CNKSR2: variants seen among roughly 807,000 people sequenced by gnomAD.
CNKSR2 encodes the protein connector enhancer of kinase suppressor of Ras 2.
Under a neutral mutation model 84.4 loss-of-function variants are expected in CNKSR2, and 14 were observed. The observed-to-expected ratio is 0.17, with a 90% CI of 0.11 to 0.26. CNKSR2 has a LOEUF of 0.26. CNKSR2 is among the 10% of genes least tolerant of loss of function. The probability of loss-of-function intolerance (pLI) is 1.00; values close to 1 mark genes in which losing one functional copy is unlikely to be tolerated. For synonymous variants in CNKSR2, 275 were observed against 277.9 expected (o/e 0.99, Z 0.10); for missense variants, 485 against 771.2 (o/e 0.63, Z 4.40).
chrX:21,518,048 T>C (rs778391789), intron 9 of CNKSR2, among the ~76,000 whole-genome samples: 2 of 112,280 alleles, frequency 1.8e-5, no homozygotes, highest in South Asian at 7.3e-4. Context: ...CAAGTTAATA[T>C]ATGTAAAACT....
At chrX:21,624,584 A>G (rs1417980761) in intron 20 of CNKSR2, among the ~76,000 whole-genome samples, 1 of 110,355 alleles carries the variant, frequency 9.1e-6, no homozygotes, top group Non-Finnish European at 1.9e-5. Flanking sequence ...ATCACAGCTC[A>G]CTGCAACCTT....
chrX:21,459,710 ATCT>A (rs1334942668), intron 4 of CNKSR2, among the ~76,000 whole-genome samples: 1 of 110,874 alleles, frequency 9.0e-6, no homozygotes, highest in Non-Finnish European at 1.9e-5. Context: ...TAAACTGCCT[ATCT>A]TCTTTTTTTC....
chrX:21,545,177 C>G (rs758038523), intron 11 of CNKSR2, among the ~76,000 whole-genome samples: 1 of 111,873 alleles, frequency 8.9e-6, no homozygotes, highest in South Asian at 3.8e-4. Flanking sequence ...TGAAGTGGAC[C>G]TGGGATGCTC....
chrX:21,488,924 C>T (rs1452278561), intron 5 of CNKSR2, among the ~76,000 whole-genome samples: 1 of 111,148 alleles, frequency 9.0e-6, no homozygotes. Flanking sequence ...ACAGACAGAA[C>T]TCAAAGTCAT....
At chrX:21,405,873 G>A (rs1366554358) in intron 1 of CNKSR2, among the ~76,000 whole-genome samples, 2 of 111,267 alleles carry the variant, frequency 1.8e-5, no homozygotes, top group East Asian at 2.8e-4. Context: ...AATCCTAACG[G>A]TTCAGAAAAG....
At chrX:21,570,897 C>G (rs1365188699) in intron 13 of CNKSR2, among the ~76,000 whole-genome samples, 1 of 112,399 alleles carries the variant, frequency 8.9e-6, no homozygotes. Context: ...TCTGCAGCTT[C>G]CTTACCTCTC....
intron 15 of CNKSR2, chrX:21,591,955 A>G (rs182417825): frequency 1.3e-3 from 145 of 112,092 alleles, no homozygotes; most frequent in Middle Eastern, 9.2e-3. Context: ...TTTATAAAAA[A>G]TGTACATGGC....
intron 2 of CNKSR2, among the ~76,000 whole-genome samples, chrX:21,431,534 A>G (rs192245772): frequency 1.2e-3 from 133 of 111,767 alleles, no homozygotes; most frequent in Non-Finnish European, 7.9e-4. Flanking sequence ...GCAAATTCTT[A>G]CATTCTTTGG....
At chrX:21,612,357 A>C (rs1426342606) in intron 20 of CNKSR2, among the ~76,000 whole-genome samples, 1 of 112,253 alleles carries the variant, frequency 8.9e-6, no homozygotes, top group Non-Finnish European at 1.9e-5. Context: ...GTGCTGCCAC[A>C]CAGTTCAGCA....
At chrX:21,425,899 G>C (rs1320190808) in intron 1 of CNKSR2, 1 of 112,075 alleles carries the variant, frequency 8.9e-6, no homozygotes, top group African/African-American at 3.2e-5. Context: ...AATCCAAAGA[G>C]GGTGACAGAC....
Position 21,490,549 on chromosome X carries a change from C to A in CNKSR2, c.652C>A (p.Leu218Met), listed in dbSNP as rs1291502693. The A allele has an allele frequency of 8.3e-7, 1 of 1,209,455 alleles. No homozygotes were observed. Among genetic ancestry groups the A allele is most frequent in the Admixed American group, 2.2e-5 (1 of 45,888 alleles). The stretch of plus-strand genomic sequence containing the variant: ...GTCTGCTCACCTGGAAGTGATTCAA[C>A]TGGCAAACATTAAACCAAGCGAAGG... ...SQSAHLEVIQ[L>M]ANIKPSEGLG... Residue 218 changes from leucine (L) to methionine (M), a missense_variant, in exon 6 of 22, where the codon CTG becomes ATG. By Grantham distance (15) the Leu-to-Met change is conservative. Transcript: ENST00000379510.
At chrX:21,490,786 A>G (rs2091434513) in intron 6 of CNKSR2, 2 of 272,371 alleles carry the variant, frequency 7.3e-6, no homozygotes, top group African/African-American at 2.8e-5. Context: ...GAGAATTGAA[A>G]ATGGTGACTT....
chrX:21,535,302 A>T (rs766033541), intron 11 of CNKSR2, among the ~76,000 whole-genome samples: 9 of 111,631 alleles, frequency 8.1e-5, no homozygotes, highest in Non-Finnish European at 1.3e-4. Flanking sequence ...ATTTGAAGTC[A>T]GTCAGTGTGA....
intron 18 of CNKSR2, among the ~76,000 whole-genome samples, chrX:21,602,200 G>A (rs1033696271): frequency 2.7e-5 from 3 of 110,961 alleles, no homozygotes; most frequent in Non-Finnish European, 3.8e-5. Context: ...GTGCGGTGGC[G>A]TGATCTTGAT....
intron 1 of CNKSR2, among the ~76,000 whole-genome samples, chrX:21,412,920 T>C: frequency 8.9e-6 from 1 of 112,129 alleles, no homozygotes; most frequent in Non-Finnish European, 1.9e-5. Flanking sequence ...TCATCAAACG[T>C]ACTATCTTAA....
At chrX:21,545,749 C>A (rs890192933) in intron 11 of CNKSR2, among the ~76,000 whole-genome samples, 2 of 112,174 alleles carry the variant, frequency 1.8e-5, no homozygotes, top group Non-Finnish European at 3.8e-5. Flanking sequence ...TGCTGTTCTG[C>A]AGCCTCTGCT....
At chrX:21,564,298 C>G (rs746811238) in intron 13 of CNKSR2, among the ~76,000 whole-genome samples, 1 of 111,318 alleles carries the variant, frequency 9.0e-6, no homozygotes, top group African/African-American at 3.3e-5. Flanking sequence ...TGGGAACTTG[C>G]GTGATCAAAT....
chrX:21,650,836 A>G (rs1292401711), intron 21 of CNKSR2, among the ~76,000 whole-genome samples: 1 of 112,101 alleles, frequency 8.9e-6, no homozygotes, highest in Non-Finnish European at 1.9e-5. Context: ...CCAGGGGACA[A>G]TTTAATGGAC....
intron 11 of CNKSR2, 53 bp downstream of exon 11, chrX:21,532,120 C>A (rs1239182149): frequency 1.1e-6 from 1 of 922,204 alleles, no homozygotes; most frequent in Non-Finnish European, 1.5e-6. Context: ...GCATAGGAAT[C>A]TCAATTTCCT....
Sources: gnomAD v4.1 joint callset for allele counts (sites outside exome capture counted in the v4.1 genomes callset) on GRCh38, gnomAD v4.1.1 for gene constraint, MANE v1.5 for transcripts, NCBI Gene and HGNC (gene_info 2026-07-23, HGNC 2026-07-21) for gene names.